The following CGN variants were observed in gnomAD, a reference collection of about 807,000 sequenced individuals.
The protein encoded by CGN is cingulin.
CGN carries 121 observed loss-of-function variants against 157.1 expected under a neutral mutation model. That is an observed-to-expected ratio of 0.77 (90% CI 0.66 to 0.90). The LOEUF (loss-of-function observed/expected upper bound fraction) is 0.90, where lower values mean the gene tolerates loss of function less well. Ranked by LOEUF, CGN falls within the 40% of genes least tolerant of loss-of-function variation. The pLI is 0.00. For missense variants in CGN, 1,424 were observed against 1,520.9 expected (o/e 0.94, Z 1.06); for synonymous variants, 535 against 607.5 (o/e 0.88, Z 1.76).
At position 151,529,973 on chromosome 1, in the gene CGN, C is replaced by G; in HGVS notation, c.2171C>G (p.Thr724Arg). Reference protein sequence around the residue: ...LGQRRAAVETTLRETQEENDE... With the variant: ...LGQRRAAVETRLRETQEENDE... ...CAGCGGCGGGCCGCAGTGGAGACGA[C>G]GCTTCGGGAGACCCAGGAGGAAAAT... Residue 724 changes from threonine to arginine, a missense_variant, in exon 12 of 21, where the codon ACG (threonine) becomes AGG (arginine). Thr to Arg is a moderately conservative substitution (Grantham distance 71). Coordinates refer to ENST00000271636, the MANE Select transcript of CGN (RefSeq NM_020770.3). The G allele has an allele frequency of 6.2e-7, 1 of 1,614,130 alleles. No individual in the cohort carries two copies. The highest frequency in any genetic ancestry group is 8.5e-7 in the Non-Finnish European group (1 of 1,180,016).
intron 1 of CGN, among the ~76,000 whole-genome samples, chr1:151,513,803 C>A (rs1664352310): frequency 6.6e-6 from 1 of 152,226 alleles, no homozygotes; most frequent in African/African-American, 2.4e-5. Context: ...TGTTCTCCCA[C>A]TCCTTGCAGG....
In CGN at chr1:151,527,080, T is replaced by C. The variant is rs1280574171; in HGVS notation, c.1869T>C (p.Asp623=). The change falls in exon 10 of 21, where the codon GAT becomes GAC. Residue 623 remains aspartate (D), a synonymous_variant. Coordinates refer to ENST00000271636, the MANE Select transcript of CGN (RefSeq NM_020770.3). The stretch of plus-strand genomic sequence containing the variant: ...AGCAGGCCCGAGCTAGTGCTGGAGA[T>C]ACTCGCCAGGTTGAGGTGCTCAAGA... ...ELEQARASAG[D]TRQVEVLKKE... 11 of 1,614,160 alleles carry C rather than the reference T, an allele frequency of 6.8e-6. No individual in the cohort carries two copies. The highest frequency in any genetic ancestry group is 9.3e-6 in the Non-Finnish European group (11 of 1,180,022).
chr1:151,528,770 C>A (rs143981796), intron 10 of CGN, among the ~76,000 whole-genome samples: 8 of 152,136 alleles, frequency 5.3e-5, no homozygotes, highest in Admixed American at 3.9e-4. Context: ...AATTACAGAA[C>A]ATTTTCATTA....
chr1:151,536,886 G>A lies in CGN; in HGVS notation c.3463G>A (p.Asp1155Asn). The change falls in exon 20 of 21, where the codon GAC becomes AAC. Residue 1155 changes from aspartate to asparagine, a missense_variant. Asp to Asn is a conservative substitution (Grantham distance 23). This residue lies in a region of CGN where 199 missense variants were observed against 272.2 expected (regional missense o/e 0.73). Coordinates refer to ENST00000271636, the MANE Select transcript of CGN (RefSeq NM_020770.3). Reference protein sequence around the residue: ...LQARIKSLEKDSWRKASRSAA... With the variant: ...LQARIKSLEKNSWRKASRSAA... The stretch of plus-strand genomic sequence containing the variant: ...GGCCCGGATCAAGTCTCTGGAGAAG[G>A]ACTCCTGGTATGGGCTACCCTTTTG... The A allele has an allele frequency of 6.2e-7, 1 of 1,614,008 alleles. No homozygotes were observed. Among genetic ancestry groups the A allele is most frequent in the Admixed American group, 1.7e-5 (1 of 60,016 alleles).
At chr1:151,533,074 A>C (rs1664875113) in intron 14 of CGN, among the ~76,000 whole-genome samples, 1 of 152,120 alleles carries the variant, frequency 6.6e-6, no homozygotes, top group Non-Finnish European at 1.5e-5. Flanking sequence ...AAAAATCCCC[A>C]CACCCAGGCT....
chr1:151,515,604 G>A (rs115626301), intron 1 of CGN: 3,234 of 152,308 alleles, frequency 0.021, 54 homozygotes, highest in Middle Eastern at 0.085. Context: ...CTCCTAAGTC[G>A]CTGGGACTAC....
chr1:151,525,032 C>A, intron 8 of CGN, 146 bp downstream of exon 8: 1 of 711,830 alleles, frequency 1.4e-6, no homozygotes, highest in Non-Finnish European at 2.4e-6. Context: ...TGCTGAAAAC[C>A]TTGGGCAGGA....
In CGN at chr1:151,535,903, C is replaced by T. The variant is rs375368199; in HGVS notation, c.3197+5C>T. The T allele has an allele frequency of 1.2e-5, 19 of 1,602,516 alleles. No individual in the cohort carries two copies. The highest frequency in any genetic ancestry group is 1.5e-5 in the Non-Finnish European group (18 of 1,170,620). ...GCGGCTACAGGCTGAAGAGAGGTGA[C>T]ATAAGCCTATCCTTCCTCCCTTCCT... On this transcript the variant is annotated splice_donor_5th_base_variant and intron_variant, in intron 18 of 20. Coordinates refer to ENST00000271636, the MANE Select transcript of CGN (RefSeq NM_020770.3).
intron 3 of CGN, 45 bp from the exon 4 acceptor site, chr1:151,520,369 C>T (rs753305062): frequency 6.3e-6 from 10 of 1,580,474 alleles, no homozygotes; most frequent in South Asian, 4.4e-5. Flanking sequence ...ATCTCTGCTA[C>T]CTCTTTCCTC....
At chr1:151,513,149 C>G (rs1190730113) in intron 1 of CGN, among the ~76,000 whole-genome samples, 1 of 152,214 alleles carries the variant, frequency 6.6e-6, no homozygotes, top group African/African-American at 2.4e-5. Flanking sequence ...GCTTTGCCAT[C>G]AAGGCTGGAG....
rs769053104 is a variant in CGN, at chr1:151,534,107, G to T, written c.2875G>T (p.Asp959Tyr). ...EAENKKRSQD[D>Y]RARQLKGLEE... Reference sequence around the variant, plus strand: ...AGAGAACAAGAAGCGTTCCCAGGACGACAGGGCCCGGCAGCTGAAGGGTCT... The same window carrying T: ...AGAGAACAAGAAGCGTTCCCAGGACTACAGGGCCCGGCAGCTGAAGGGTCT... Residue 959 changes from aspartate (D) to tyrosine (Y), a missense_variant, in exon 15 of 21, where the codon GAC becomes TAC. By Grantham distance (160) the Asp-to-Tyr change is radical. Around this residue, in one of 3 missense-constraint regions of CGN, gnomAD observed 1,187 missense variants for 1,217.6 expected, o/e 0.97. Transcript: ENST00000271636. 1.2e-5 allele frequency: 19 copies of T among 1,604,004 alleles called. No homozygotes were observed. The highest frequency in any genetic ancestry group is 1.4e-5 in the Non-Finnish European group (17 of 1,175,140).
intron 5 of CGN, among the ~76,000 whole-genome samples, chr1:151,523,179 G>T (rs921987420): frequency 2.6e-5 from 4 of 152,150 alleles, no homozygotes; most frequent in Non-Finnish European, 5.9e-5. Flanking sequence ...CCTAAGTCAA[G>T]CCCGTGCTCG....
Position 151,537,479 on chromosome 1 carries a change from A to G in CGN, c.*133A>G. 1 of 623,524 alleles carries G rather than the reference A, an allele frequency of 1.6e-6. No individual in the cohort carries two copies. Among genetic ancestry groups the G allele is most frequent in the Middle Eastern group, 4.4e-4 (1 of 2,248 alleles). 38.6% of individuals were successfully genotyped at this position (623,524 alleles called of 1,614,324 possible). ...CAGACCTAAGACAGGGAGGGGTCAG[A>G]GTGATGGTGATAAAAAAAAAAAATC... On this transcript the variant is annotated 3_prime_UTR_variant, in exon 21 of 21. Transcript: ENST00000271636.
chr1:151,520,029 G>T (rs901359614), intron 2 of CGN, 137 bp from the exon 3 acceptor site: 2 of 673,658 alleles, frequency 3.0e-6, no homozygotes, highest in East Asian at 2.7e-5. Flanking sequence ...TGCATTTCAG[G>T]ATTGTTCATC....
intron 1 of CGN, among the ~76,000 whole-genome samples, chr1:151,518,021 A>AT (rs991772800): frequency 1.3e-5 from 2 of 151,814 alleles, no homozygotes; most frequent in African/African-American, 2.4e-5. Flanking sequence ...TTATTTTTGT[A>AT]TTTTTTGTAG....
At chr1:151,530,253 G>A in intron 12 of CGN, 138 bp downstream of exon 12, 2 of 1,054,608 alleles carry the variant, frequency 1.9e-6, no homozygotes, top group Non-Finnish European at 1.4e-6. Flanking sequence ...TTAACCTTGG[G>A]TTTATTTCCT....
Position 151,520,197 on chromosome 1 carries a change from A to G in CGN, c.905A>G (p.Gln302Arg), listed in dbSNP as rs1173001140. 2 of 1,612,896 alleles carry G rather than the reference A, an allele frequency of 1.2e-6. No homozygotes were observed. Among genetic ancestry groups the G allele is most frequent in the East Asian group, 2.2e-5 (1 of 44,828 alleles). The change falls in exon 3 of 21, where the codon CAG (glutamine) becomes CGG (arginine). Residue 302 changes from glutamine (Q) to arginine (R), a missense_variant. By Grantham distance (43) the Gln-to-Arg change is conservative (BLOSUM62 1). Transcript: ENST00000271636. ...FKSTPDLLRD[Q>R]QEAAPPGSVD... ...TCAACTCCAGACCTCCTTCGAGACC[A>G]GCAGGAGGCAGCCCCACCAGGCAGT...
intron 2 of CGN, 38 bp downstream of exon 2, chr1:151,519,430 C>T: frequency 6.6e-7 from 1 of 1,504,780 alleles, no homozygotes; most frequent in Non-Finnish European, 8.9e-7. Context: ...AAATGTCAGC[C>T]CCTTCTCCCT....
At chr1:151,528,255 G>A (rs569100969) in intron 10 of CGN, among the ~76,000 whole-genome samples, 2 of 151,928 alleles carry the variant, frequency 1.3e-5, no homozygotes, top group Admixed American at 1.3e-4. Context: ...CCAAAGTGCC[G>A]GGATTACAGG....
Sources: allele counts gnomAD v4.1 joint callset (sites outside exome capture counted in the v4.1 genomes callset), GRCh38; gene constraint gnomAD v4.1.1; regional missense constraint gnomAD v4.1.1; transcripts MANE v1.5; gene names NCBI Gene and HGNC (gene_info 2026-07-23, HGNC 2026-07-21).